The following NCOA3 variants were observed in gnomAD, a reference collection of about 807,000 sequenced individuals.
The protein encoded by NCOA3 is CBP-interacting protein.
In NCOA3, 51 loss-of-function variants were observed where a neutral mutation model predicts 158.8. The observed-to-expected ratio is 0.32, with a 90% CI of 0.26 to 0.41. The LOEUF (loss-of-function observed/expected upper bound fraction) is 0.41. Ranked by LOEUF, NCOA3 falls within the 10% of genes least tolerant of loss-of-function variation. NCOA3 has a pLI of 1.00. For synonymous variants in NCOA3, 537 were observed against 592.4 expected (o/e 0.91, Z 1.36); for missense variants, 1,510 against 1,746.6 (o/e 0.86, Z 2.41).
intron 1 of NCOA3, among the ~76,000 whole-genome samples, chr20:47,528,675 G>GA (rs201047715): frequency 3.5e-4 from 53 of 151,376 alleles, no homozygotes; most frequent in Admixed American, 1.4e-3. Context: ...AAGCTGATGA[G>GA]AAAAAAAAAT....
intron 1 of NCOA3, among the ~76,000 whole-genome samples, chr20:47,565,854 T>C (rs1436848001): frequency 6.6e-6 from 1 of 152,206 alleles, no homozygotes; most frequent in African/African-American, 2.4e-5. Context: ...CCCATGACCA[T>C]CCACTAACTT....
intron 1 of NCOA3, among the ~76,000 whole-genome samples, chr20:47,570,107 A>T (rs945032575): frequency 6.6e-6 from 1 of 152,218 alleles, no homozygotes; most frequent in Non-Finnish European, 1.5e-5. Context: ...TGTTCACAGA[A>T]TCTTCACTGG....
At chr20:47,554,047 C>G (rs1165434454) in intron 1 of NCOA3, among the ~76,000 whole-genome samples, 1 of 152,204 alleles carries the variant, frequency 6.6e-6, no homozygotes, top group Non-Finnish European at 1.5e-5. Flanking sequence ...TCTCCACATC[C>G]TCTCCAGCAC....
At chr20:47,632,535 G>A (rs1002234110) in intron 8 of NCOA3, among the ~76,000 whole-genome samples, 1 of 151,394 alleles carries the variant, frequency 6.6e-6, no homozygotes, top group Non-Finnish European at 1.5e-5. Flanking sequence ...TTACAGGTAC[G>A]CACCACCACG....
chr20:47,505,208 C>T (rs994833274), intron 1 of NCOA3, among the ~76,000 whole-genome samples: 12 of 150,462 alleles, frequency 8.0e-5, no homozygotes, highest in Middle Eastern at 3.4e-3. Flanking sequence ...ATTACAGGTG[C>T]GCACCACCAC....
chr20:47,502,824 G>C (rs1240180764), intron 1 of NCOA3, among the ~76,000 whole-genome samples: 1 of 151,734 alleles, frequency 6.6e-6, no homozygotes, highest in African/African-American at 2.4e-5. Context: ...GTCGTTGGGA[G>C]ACTTAGTTGC....
At chr20:47,551,497 AT>A (rs2084926279) in intron 1 of NCOA3, among the ~76,000 whole-genome samples, 1 of 152,162 alleles carries the variant, frequency 6.6e-6, no homozygotes, top group African/African-American at 2.4e-5. Context: ...AGATCTTTAC[AT>A]TTCGTGTTTT....
At chr20:47,529,311 G>C (rs2084508011) in intron 1 of NCOA3, among the ~76,000 whole-genome samples, 1 of 150,546 alleles carries the variant, frequency 6.6e-6, no homozygotes, top group Non-Finnish European at 1.5e-5. Context: ...TAGAGATGAG[G>C]TTTCACCATG....
chr20:47,635,673 G>C lies in NCOA3; in HGVS notation c.1464G>C (p.Gly488=). The C allele has an allele frequency of 6.2e-7, 1 of 1,614,112 alleles. No individual in the cohort carries two copies. Among genetic ancestry groups the C allele is most frequent in the Non-Finnish European group, 8.5e-7 (1 of 1,180,002 alleles). ...TCATGATTTCTCCTCGTAATCGTGG[G>C]AGTCCAAAGATAGCCTCACATCAGT... ...QNIMISPRNR[G]SPKIASHQFS... The change falls in exon 11 of 23, where the codon GGG becomes GGC. Residue 488 remains glycine (G), a synonymous_variant. Transcript: ENST00000371998.
Position 47,636,446 on chromosome 20 carries a change from A to G in NCOA3, c.2060A>G (p.Lys687Arg), listed in dbSNP as rs1779001884. 4 of 1,614,018 alleles carry G rather than the reference A, an allele frequency of 2.5e-6. No individual in the cohort carries two copies. The East Asian group carries it at 8.9e-5, about 36-fold the overall frequency. ...LLQEKHRILH[K>R]LLQNGNSPAE... ...CAAGAGAAGCACCGGATTTTGCACA[A>G]GTTGCTGCAGAATGGGAATTCACCA... Residue 687 changes from lysine to arginine, a missense_variant, in exon 12 of 23, where the codon AAG (lysine) becomes AGG (arginine). By Grantham distance (26) the Lys-to-Arg change is conservative. Coordinates refer to ENST00000371998, the MANE Select transcript of NCOA3 (RefSeq NM_181659.3).
At chr20:47,576,576 G>T (rs1238299201) in intron 1 of NCOA3, among the ~76,000 whole-genome samples, 1 of 152,000 alleles carries the variant, frequency 6.6e-6, no homozygotes, top group East Asian at 1.9e-4. Flanking sequence ...TTGTCACCTT[G>T]AACTTATTGT....
At chr20:47,527,371 T>C (rs2084473379) in intron 1 of NCOA3, among the ~76,000 whole-genome samples, 1 of 152,220 alleles carries the variant, frequency 6.6e-6, no homozygotes, top group Non-Finnish European at 1.5e-5. Flanking sequence ...TCAGCTTCTT[T>C]TTTTTCTTTA....
chr20:47,584,179 C>T lies in NCOA3; in HGVS notation c.-20+918C>T, dbSNP rs184302708. Among the ~76,000 whole-genome samples, 295 of 152,154 alleles carry T rather than the reference C, an allele frequency of 1.9e-3. 1 individual carries two copies. The highest frequency in any genetic ancestry group is 6.9e-3 in the African/African-American group (285 of 41,512). On this transcript the variant is annotated intron_variant, in intron 2 of 22. Coordinates refer to ENST00000371998, the MANE Select transcript of NCOA3 (RefSeq NM_181659.3). ...AGCAAGGTGGTGTGCGCTTGTAGTC[C>T]TAGCTGCTTGGGAGGCTGAGGTGGG...
Position 47,638,539 on chromosome 20 carries a change from T to TG in NCOA3, c.2513-462dup, listed in dbSNP as rs559847995. Among the ~76,000 whole-genome samples, 69 of 151,692 alleles carry TG rather than the reference T, an allele frequency of 4.5e-4. No homozygotes were observed. The South Asian group carries it at 1.0e-2, about 22-fold the overall frequency. On this transcript the variant is annotated intron_variant, in intron 13 of 22. Transcript: ENST00000371998. Reference sequence around the variant, plus strand: ...CTAGAATGGATAGATCAATTAAGAGTGGGGGGGAAAAAAAGAAGGTTAGAA... The same window carrying TG: ...CTAGAATGGATAGATCAATTAAGAGTGGGGGGGGAAAAAAAGAAGGTTAGAA...
chr20:47,533,041 G>A (rs943279243), intron 1 of NCOA3, among the ~76,000 whole-genome samples: 1 of 146,976 alleles, frequency 6.8e-6, no homozygotes, highest in Admixed American at 7.1e-5. Context: ...GGAGACGGAG[G>A]TTGCAGTGAG....
At chr20:47,535,416 G>T (rs750005063) in intron 1 of NCOA3, among the ~76,000 whole-genome samples, 2 of 152,140 alleles carry the variant, frequency 1.3e-5, no homozygotes, top group African/African-American at 2.4e-5. Flanking sequence ...CTGCCTTATC[G>T]CAAGGATAGA....
At chr20:47,531,206 GTGGTCA>G (rs2084539108) in intron 1 of NCOA3, among the ~76,000 whole-genome samples, 1 of 152,112 alleles carries the variant, frequency 6.6e-6, no homozygotes, top group African/African-American at 2.4e-5. Context: ...GGGTTTGGTG[GTGGTCA>G]CTTGTAATCC....
chr20:47,631,237 A>G (rs1267368802), intron 8 of NCOA3: 1 of 152,264 alleles, frequency 6.6e-6, no homozygotes, highest in African/African-American at 2.4e-5. Flanking sequence ...CATTATGCAG[A>G]TCAGCAAGGT....
At chr20:47,651,396 G>T in intron 20 of NCOA3, 120 bp downstream of exon 20, 1 of 1,440,394 alleles carries the variant, frequency 6.9e-7, no homozygotes. Context: ...ACTTCACAAG[G>T]AAAACCAAAT....
Sources: gnomAD v4.1 joint callset for allele counts (sites outside exome capture counted in the v4.1 genomes callset) on GRCh38, gnomAD v4.1.1 for gene constraint, MANE v1.5 for transcripts, NCBI Gene and HGNC (gene_info 2026-07-23, HGNC 2026-07-21) for gene names.